The following TAF5 variants were observed in gnomAD, a reference collection of about 807,000 sequenced individuals.
The protein encoded by TAF5 is transcription initiation factor TFIID subunit 5.
TAF5 carries 20 observed loss-of-function variants against 80.9 expected under a neutral mutation model. The ratio of observed to expected loss-of-function variants is 0.25; its 90% CI spans 0.17 to 0.36. TAF5 has a LOEUF of 0.36. Ranked by LOEUF, TAF5 falls within the 10% of genes least tolerant of loss-of-function variation. The pLI is 1.00. For missense variants in TAF5, 863 were observed against 1,029.4 expected, an observed-to-expected ratio of 0.84 and a Z score of 2.21; for synonymous variants, 388 against 406.4, an observed-to-expected ratio of 0.95 and a Z score of 0.55.
At chr10:103,369,952 C>T (rs1324541534) in intron 1 of TAF5, among the ~76,000 whole-genome samples, 3 of 152,002 alleles carry the variant, frequency 2.0e-5, no homozygotes, top group South Asian at 2.1e-4. Flanking sequence ...TCGTATTGGC[C>T]GGGCGTCGTG....
rs1434623121 is a variant in TAF5, at chr10:103,378,970, A to C, written c.1113+420A>C. ...CTACTGCGCCTGGCCGCTTGGAAAC[A>C]ATTTTATACTGTATATAAAATTTTG... On this transcript the variant is annotated intron_variant, in intron 3 of 10. Coordinates refer to ENST00000369839, the MANE Select transcript of TAF5 (RefSeq NM_006951.5). This position sits in a 1 kb window ranked among gnomAD's most constrained non-coding sequence, Gnocchi z 4.1. Among the ~76,000 whole-genome samples the C allele has an allele frequency of 6.6e-6, 1 of 152,144 alleles. No individual in the cohort carries two copies. The highest frequency in any genetic ancestry group is 1.5e-5 in the Non-Finnish European group (1 of 68,030).
In TAF5 at chr10:103,385,237, AATATT is replaced by A. The variant is rs534325878; in HGVS notation, c.1665-87_1665-83del. ...ATTTAATATAGTCAAATATATATAA[AATATT>A]AAATGTATTCAAATGTATATAAAAC... On this transcript the variant is annotated intron_variant, in intron 7 of 10. Coordinates refer to ENST00000369839, the MANE Select transcript of TAF5 (RefSeq NM_006951.5). 3.0e-5 allele frequency: 31 copies of A among 1,026,142 alleles called. 1 individual carries two copies. In the South Asian group the frequency reaches 5.2e-4, roughly 17 times the overall value. 63.6% of individuals were successfully genotyped at this position (1,026,142 alleles called of 1,614,324 possible). A position where few individuals can be genotyped will look rare whatever the true frequency, so the allele number is the denominator to read the frequency against.
chr10:103,382,108 T>C (rs767085453), intron 6 of TAF5, among the ~76,000 whole-genome samples: 20 of 152,370 alleles, frequency 1.3e-4, no homozygotes, highest in South Asian at 6.2e-4. Context: ...TAACATTTTA[T>C]GATTGCTTGT....
intron 10 of TAF5, 53 bp downstream of exon 10, chr10:103,387,751 G>A: frequency 3.3e-6 from 5 of 1,521,660 alleles, no homozygotes; most frequent in Middle Eastern, 1.8e-4. Context: ...AGGAAACAGT[G>A]TTGACGACTG....
chr10:103,385,263 A>C (rs2093393196), intron 7 of TAF5, 63 bp from the exon 8 acceptor site: 1 of 1,355,702 alleles, frequency 7.4e-7, no homozygotes, highest in Non-Finnish European at 1.0e-6. Flanking sequence ...AAATGTATAT[A>C]AAACTGGGCA....
At position 103,381,722 on chromosome 10, in the gene TAF5, G is replaced by T. The variant is rs1244348967; in HGVS notation, c.1415G>T (p.Gly472Val). The change falls in exon 6 of 11, where the codon GGT becomes GTT. Residue 472 changes from glycine to valine, a missense_variant and splice_region_variant. Physicochemically the swap from Gly to Val is moderately radical, Grantham distance 109 (BLOSUM62 -3). Coordinates refer to ENST00000369839, the MANE Select transcript of TAF5 (RefSeq NM_006951.5). ...CFYTFLNAYQGLTAVDVTDDS... is the reference protein window; with the variant it reads ...CFYTFLNAYQVLTAVDVTDDS... ...TTAGTCTAACCCTTTTATTGGCAGG[G>T]TCTCACTGCAGTGGATGTCACTGAT... The T allele has an allele frequency of 6.2e-7, 1 of 1,613,966 alleles. No individual in the cohort carries two copies. The highest frequency in any genetic ancestry group is 1.3e-5 in the African/African-American group (1 of 74,916).
At chr10:103,386,006 C>A (rs964534989) in intron 8 of TAF5, among the ~76,000 whole-genome samples, 1 of 150,036 alleles carries the variant, frequency 6.7e-6, no homozygotes, top group South Asian at 2.1e-4. Context: ...CTATATGAAT[C>A]CTGGTTTTTA....
At chr10:103,370,518 G>A (rs995076038) in intron 1 of TAF5, among the ~76,000 whole-genome samples, 2 of 151,422 alleles carry the variant, frequency 1.3e-5, no homozygotes, top group Admixed American at 6.6e-5. Flanking sequence ...TATTAGAGAC[G>A]GGGTTTCACC....
Position 103,368,413 on chromosome 10 carries a change from G to A in TAF5, c.424G>A (p.Glu142Lys), listed in dbSNP as rs759211359. 15 of 1,572,858 alleles carry A rather than the reference G, an allele frequency of 9.5e-6. No individual in the cohort carries two copies. Among genetic ancestry groups the A allele is most frequent in the Admixed American group, 1.8e-5 (1 of 55,340 alleles). Residue 142 changes from glutamate (E) to lysine (K), a missense_variant, in exon 1 of 11, where the codon GAG (glutamate) becomes AAG (lysine). Around this residue, in one of 3 missense-constraint regions of TAF5, gnomAD observed 367 missense variants for 335.5 expected, o/e 1.09. Coordinates refer to ENST00000369839, the MANE Select transcript of TAF5 (RefSeq NM_006951.5). ...APGEVDSAGA[E>K]VTSALLSRVT... is the part of the protein sequence containing the mutation. Reference sequence around the variant, plus strand: ...GGGAGAGGTGGACAGCGCCGGCGCTGAGGTGACCAGCGCGCTTCTCAGCCG... The same window carrying A: ...GGGAGAGGTGGACAGCGCCGGCGCTAAGGTGACCAGCGCGCTTCTCAGCCG...
intron 8 of TAF5, among the ~76,000 whole-genome samples, chr10:103,386,485 CTGTGGTTTAGACTA>C (rs974118925): frequency 6.6e-6 from 1 of 152,022 alleles, no homozygotes; most frequent in Non-Finnish European, 1.5e-5. Flanking sequence ...AAATACTTTT[CTGTGGTTTAGACTA>C]GGAATAGAGG....
intron 8 of TAF5, among the ~76,000 whole-genome samples, chr10:103,386,676 T>TC (rs2093397102): frequency 6.6e-6 from 1 of 151,090 alleles, no homozygotes. Context: ...TTTTTTTTTT[T>TC]TTTTTGAGAC....
chr10:103,368,047 C>T lies in TAF5; in HGVS notation c.58C>T (p.Pro20Ser). The T allele has an allele frequency of 6.9e-7, 1 of 1,446,290 alleles. No individual in the cohort carries two copies. Among genetic ancestry groups the T allele is most frequent in the Non-Finnish European group, 9.1e-7 (1 of 1,102,908 alleles). 89.6% of individuals were successfully genotyped at this position (1,446,290 alleles called of 1,614,324 possible). ...GGCGGTCAAGCTAGAGCCTGAGGGA[C>T]CGCCAACGCTGCTACCTCCGCAGGC... ...EVAVKLEPEG[P>S]PTLLPPQAGD... The change falls in exon 1 of 11, where the codon CCG becomes TCG. Residue 20 changes from proline (P) to serine (S), a missense_variant. Coordinates refer to ENST00000369839, the MANE Select transcript of TAF5 (RefSeq NM_006951.5).
Position 103,378,675 on chromosome 10 carries a change from G to C in TAF5, c.1113+125G>C. 1 of 1,176,028 alleles carries C rather than the reference G, an allele frequency of 8.5e-7. No individual in the cohort carries two copies. The highest frequency in any genetic ancestry group is 2.3e-4 in the Middle Eastern group (1 of 4,400). 72.8% of individuals were successfully genotyped at this position (1,176,028 alleles called of 1,614,324 possible). A position where few individuals can be genotyped will look rare whatever the true frequency, so the allele number is the denominator to read the frequency against. ...ACAATTTTTTTCGTTTGTTTGTTTT[G>C]AGACGGAGTTTTGCTCTTGTCACCC... On this transcript the variant is annotated intron_variant, in intron 3 of 10. Transcript: ENST00000369839. This position sits in a 1 kb window ranked among gnomAD's most constrained non-coding sequence, Gnocchi z 4.1.
Position 103,374,834 on chromosome 10 carries a change from G to A in TAF5, c.797+1239G>A, listed in dbSNP as rs1416883389. Among the ~76,000 whole-genome samples the A allele has an allele frequency of 6.6e-6, 1 of 152,212 alleles. No individual in the cohort carries two copies. The highest frequency in any genetic ancestry group is 1.9e-4 in the East Asian group (1 of 5,196). On this transcript the variant is annotated intron_variant, in intron 2 of 10. Coordinates refer to ENST00000369839, the MANE Select transcript of TAF5 (RefSeq NM_006951.5). This position sits in a 1 kb window ranked among gnomAD's most constrained non-coding sequence, Gnocchi z 4.3. ...TCCTTCCACTAGACCATTTGAAAAT[G>A]TGTAGAGGTGGCCCGGCGCTGCGGC...
chr10:103,381,302 T>C (rs1294584618), intron 5 of TAF5, among the ~76,000 whole-genome samples: 1 of 152,150 alleles, frequency 6.6e-6, no homozygotes, highest in African/African-American at 2.4e-5. Context: ...AGTCTCACTC[T>C]GTCGCCCAGG....
rs556553747 is a variant in TAF5, at chr10:103,382,125, TA to T, written c.1534+290del. Among the ~76,000 whole-genome samples the T allele has an allele frequency of 3.8e-3, 575 of 152,352 alleles. 1 individual carries two copies. The highest frequency in any genetic ancestry group is 0.012 in the African/African-American group (482 of 41,582). On this transcript the variant is annotated intron_variant, in intron 6 of 10. Coordinates refer to ENST00000369839, the MANE Select transcript of TAF5 (RefSeq NM_006951.5). ...ACATTTTATGATTGCTTGTAAATCT[TA>T]AAAAATCTTTAAATAAGGGATGGTA...
At position 103,368,093 on chromosome 10, in the gene TAF5, G is replaced by A. The variant is rs773141927; in HGVS notation, c.104G>A (p.Gly35Asp). The A allele has an allele frequency of 1.5e-5, 21 of 1,424,260 alleles. No homozygotes were observed. In the South Asian group the frequency reaches 2.5e-4, roughly 17 times the overall value. 88.2% of individuals were successfully genotyped at this position (1,424,260 alleles called of 1,614,324 possible). ...CAGGCGGGGGACGGCGCAGGCGAGG[G>A]TAGCGGCGGCACTACCAACAACGGC... is the stretch of plus-strand genomic sequence containing the variant. ...PPQAGDGAGE[G>D]SGGTTNNGPN... Residue 35 changes from glycine to aspartate, a missense_variant, in exon 1 of 11, where the codon GGT (glycine) becomes GAT (aspartate). Physicochemically the swap from Gly to Asp is moderately conservative, Grantham distance 94. Transcript: ENST00000369839.
intron 6 of TAF5, among the ~76,000 whole-genome samples, 165 bp from the exon 7 acceptor site, chr10:103,383,073 T>A (rs1326399045): frequency 6.6e-6 from 1 of 152,224 alleles, no homozygotes; most frequent in African/African-American, 2.4e-5. Context: ...TTTCTTCTCT[T>A]ACACGCTGAG....
At position 103,378,499 on chromosome 10, in the gene TAF5, G is replaced by A; in HGVS notation, c.1062G>A (p.Ala354=). 2 of 1,614,126 alleles carry A rather than the reference G, an allele frequency of 1.2e-6. No individual in the cohort carries two copies. The highest frequency in any genetic ancestry group is 2.2e-5 in the East Asian group (1 of 44,886). ...CGCGTAGTAAGCAACAGATAGATGC[G>A]ATGGTGGGAAGTTTGGCAGGAGAGG... ...GMPRSKQQID[A]MVGSLAGEAK... is the part of the protein sequence containing the mutation. The change falls in exon 3 of 11, where the codon GCG becomes GCA. Residue 354 remains alanine (A), a synonymous_variant. Coordinates refer to ENST00000369839, the MANE Select transcript of TAF5 (RefSeq NM_006951.5). The surrounding 1 kb of genome is among the most constrained non-coding windows in gnomAD (Gnocchi z 4.1).
Sources: allele counts gnomAD v4.1 joint callset (sites outside exome capture counted in the v4.1 genomes callset), GRCh38; gene constraint gnomAD v4.1.1; regional missense constraint gnomAD v4.1.1; non-coding constraint Gnocchi (gnomAD v3.1); transcripts MANE v1.5; gene names NCBI Gene and HGNC (gene_info 2026-07-23, HGNC 2026-07-21).